Variants in PKP2 observed in about 807,000 individuals in gnomAD.
The protein encoded by PKP2 is plakophilin 2, also known as plakophilin-2.
PKP2 carries 73 observed loss-of-function variants against 83.4 expected under a neutral mutation model. The ratio of observed to expected loss-of-function variants is 0.88; its 90% CI spans 0.72 to 1.06. PKP2 has a LOEUF of 1.06. Ranked by LOEUF, PKP2 falls within the 50% of genes least tolerant of loss-of-function variation. The probability of loss-of-function intolerance (pLI) is 0.00; values close to 1 mark genes in which losing one functional copy is unlikely to be tolerated. For synonymous variants in PKP2, 409 were observed against 430.4 expected (o/e 0.95, Z 0.62); for missense variants, 966 against 1,065.4 (o/e 0.91, Z 1.30).
chr12:32,817,401 A>G (rs1267029837), intron 9 of PKP2, among the ~76,000 whole-genome samples: 1 of 152,186 alleles, frequency 6.6e-6, no homozygotes, highest in Non-Finnish European at 1.5e-5. Context: ...AGCTATTTCA[A>G]TGTTATCTTT....
intron 1 of PKP2, among the ~76,000 whole-genome samples, chr12:32,892,380 T>C (rs771679919): frequency 5.3e-5 from 8 of 151,544 alleles, no homozygotes; most frequent in Admixed American, 2.6e-4. Context: ...TGGCATGATC[T>C]TGGCTCACTG....
Position 32,869,047 on chromosome 12 carries a change from C to T in PKP2, c.1050G>A (p.Glu350=). ...TDSQLGNADM[E]MTLERAVSML... ...TACTCACTGCTCGCTCCAGAGTCAT[C>T]TCCATGTCTGCATTCCTAGACAAAC... The change falls in exon 4 of 13, where the codon GAG becomes GAA. Residue 350 remains glutamate (E), a synonymous_variant. Coordinates refer to ENST00000340811, the MANE Select transcript of PKP2 (RefSeq NM_001005242.3). The T allele has an allele frequency of 6.2e-7, 1 of 1,614,016 alleles. No individual in the cohort carries two copies. Among genetic ancestry groups the T allele is most frequent in the Non-Finnish European group, 8.5e-7 (1 of 1,180,026 alleles).
chr12:32,852,558 C>G (rs1191102209), intron 4 of PKP2, among the ~76,000 whole-genome samples: 1 of 152,140 alleles, frequency 6.6e-6, no homozygotes, highest in Admixed American at 6.6e-5. Flanking sequence ...CATTAAGAAG[C>G]GTCAGTATAA....
At chr12:32,829,160 T>C (rs765114508) in intron 6 of PKP2, among the ~76,000 whole-genome samples, 3 of 152,056 alleles carry the variant, frequency 2.0e-5, no homozygotes, top group Non-Finnish European at 4.4e-5. Context: ...ACTCTTCGCC[T>C]CATGTGATCC....
intron 10 of PKP2, among the ~76,000 whole-genome samples, chr12:32,797,090 GA>G (rs1331365873): frequency 6.6e-6 from 1 of 151,850 alleles, no homozygotes; most frequent in African/African-American, 2.4e-5. Context: ...ATAATAAAAA[GA>G]AAATAATTAT....
intron 4 of PKP2, 113 bp downstream of exon 4, chr12:32,868,814 G>C (rs1419854871): frequency 8.4e-7 from 1 of 1,193,608 alleles, no homozygotes; most frequent in African/African-American, 1.5e-5. Context: ...GAACCACCAC[G>C]CACGGTCCCA....
At chr12:32,839,391 T>C (rs921310509) in intron 6 of PKP2, among the ~76,000 whole-genome samples, 1 of 151,182 alleles carries the variant, frequency 6.6e-6, no homozygotes, top group Non-Finnish European at 1.5e-5. Context: ...TTTTTTTTTT[T>C]TGTGGCTAAG....
chr12:32,857,330 AGAG>A (rs1182307032), intron 4 of PKP2, among the ~76,000 whole-genome samples: 1 of 151,954 alleles, frequency 6.6e-6, no homozygotes, highest in African/African-American at 2.4e-5. Context: ...GGAGGCTGAG[AGAG>A]GAGGACTGCT....
intron 5 of PKP2, among the ~76,000 whole-genome samples, chr12:32,842,785 C>T (rs1448261501): frequency 6.6e-6 from 1 of 152,108 alleles, no homozygotes; most frequent in African/African-American, 2.4e-5. Flanking sequence ...AGCAATTCTC[C>T]TGCCTCAGCT....
At chr12:32,824,230 GT>G in intron 6 of PKP2, 68 bp from the exon 7 acceptor site, 1 of 1,076,834 alleles carries the variant, frequency 9.3e-7, no homozygotes, top group Non-Finnish European at 1.4e-6. Context: ...TTGTTTTGAA[GT>G]TTTACTTGAT....
At chr12:32,887,451 C>T (rs1298600447) in intron 1 of PKP2, among the ~76,000 whole-genome samples, 1 of 152,134 alleles carries the variant, frequency 6.6e-6, no homozygotes, top group East Asian at 1.9e-4. Context: ...TTTTAAATGT[C>T]CCCCTCCCAC....
chr12:32,859,461 T>G (rs34634865), intron 4 of PKP2, among the ~76,000 whole-genome samples: 25,419 of 151,526 alleles, frequency 0.17, 2,346 homozygotes, highest in Middle Eastern at 0.24. Context: ...ACTTTTTTTT[T>G]TGTGTGTGTG....
rs1316145753 is a variant in PKP2 at position 32,858,128 on chromosome 12, T to A, written c.1171-7155A>T. Among the ~76,000 whole-genome samples the A allele has an allele frequency of 5.4e-4, 52 of 97,162 alleles. 1 individual carries two copies. The highest frequency in any genetic ancestry group is 2.3e-3 in the African/African-American group (52 of 22,662). 63.7% of individuals were successfully genotyped at this position (97,162 alleles called of 152,430 possible). ...ATATATATATATATTTATATATATTTTATATTTATATATATATATATATAA... is the reference window on the plus strand; with the variant it reads ...ATATATATATATATTTATATATATTATATATTTATATATATATATATATAA... On this transcript the variant is annotated intron_variant, in intron 4 of 12. Coordinates refer to ENST00000340811, the MANE Select transcript of PKP2 (RefSeq NM_001005242.3).
intron 1 of PKP2, among the ~76,000 whole-genome samples, chr12:32,891,625 T>A (rs1957075761): frequency 6.6e-6 from 1 of 152,228 alleles, no homozygotes; most frequent in Non-Finnish European, 1.5e-5. Context: ...GTGGAACTCT[T>A]AGCACAGGGC....
intron 6 of PKP2, among the ~76,000 whole-genome samples, chr12:32,838,095 A>T (rs899053308): frequency 2.6e-5 from 4 of 152,170 alleles, no homozygotes; most frequent in Non-Finnish European, 1.5e-5. Flanking sequence ...TCAATAGGGG[A>T]CTGGATAAGG....
intron 9 of PKP2, among the ~76,000 whole-genome samples, chr12:32,808,015 C>T (rs1956242552): frequency 6.6e-6 from 1 of 152,116 alleles, no homozygotes; most frequent in African/African-American, 2.4e-5. Context: ...GGATAATCTT[C>T]TCATGGAGTA....
Position 32,855,080 on chromosome 12 carries a change from G to T in PKP2, c.1171-4107C>A, listed in dbSNP as rs575737711. Among the ~76,000 whole-genome samples, 10 of 152,342 alleles carry T rather than the reference G, an allele frequency of 6.6e-5. No individual in the cohort carries two copies. In the South Asian group the frequency reaches 1.9e-3, roughly 28 times the overall value. ...TAAACTGGCATAATCTTTCAGGAAGGCAAGTGGCAATATGTGTCAAAACTT... is the reference window on the plus strand; with the variant it reads ...TAAACTGGCATAATCTTTCAGGAAGTCAAGTGGCAATATGTGTCAAAACTT... On this transcript the variant is annotated intron_variant, in intron 4 of 12. Transcript: ENST00000340811.
At chr12:32,832,994 C>G (rs532094277) in intron 6 of PKP2, among the ~76,000 whole-genome samples, 35 of 152,242 alleles carry the variant, frequency 2.3e-4, no homozygotes, top group African/African-American at 7.7e-4. Flanking sequence ...ACCTGTAGTC[C>G]CAGCACTTTG....
rs545588100 is a variant in PKP2, at chr12:32,854,242, A to T, written c.1171-3269T>A. On this transcript the variant is annotated intron_variant, in intron 4 of 12. Coordinates refer to ENST00000340811, the MANE Select transcript of PKP2 (RefSeq NM_001005242.3). The stretch of plus-strand genomic sequence containing the variant: ...CTCCCCAGCTCAGACCTGCTCCCTT[A>T]CCCTGTCACCTTTATCACCTTGGCT... 2.0e-5 allele frequency among the ~76,000 whole-genome samples: 3 copies of T among 152,270 alleles called. No homozygotes were observed. The East Asian group carries it at 5.8e-4, about 29-fold the overall frequency.
Sources: gnomAD v4.1 joint callset for allele counts (sites outside exome capture counted in the v4.1 genomes callset) on GRCh38, gnomAD v4.1.1 for gene constraint, MANE v1.5 for transcripts, NCBI Gene and HGNC (gene_info 2026-07-23, HGNC 2026-07-21) for gene names.